The following PCDH9 variants were observed in gnomAD, a reference collection of about 807,000 sequenced individuals.
PCDH9 encodes protocadherin-9.
A neutral mutation model predicts 70.6 loss-of-function variants in PCDH9; 24 were observed. The observed-to-expected ratio is 0.34, with a 90% confidence interval of 0.25 to 0.48. The LOEUF is 0.48. Among genes scored for constraint, PCDH9 ranks in the 20% least tolerant of loss-of-function variants. The pLI, the probability that PCDH9 is intolerant of heterozygous loss-of-function variation, is 0.99. For missense variants in PCDH9, 1,281 were observed against 1,503.6 expected (o/e 0.85, Z 2.45); for synonymous variants, 562 against 558.5 (o/e 1.01, Z -0.09).
At chr13:66,887,193 T>C (rs924918634) in intron 3 of PCDH9, among the ~76,000 whole-genome samples, 4 of 151,990 alleles carry the variant, frequency 2.6e-5, no homozygotes, top group East Asian at 1.9e-4. Flanking sequence ...TCCTGGACCA[T>C]GCCTTCTATT....
chr13:66,662,963 TA>T (rs1379749497), intron 3 of PCDH9, among the ~76,000 whole-genome samples: 1 of 152,292 alleles, frequency 6.6e-6, no homozygotes, highest in East Asian at 1.9e-4. Flanking sequence ...CTTATAGATT[TA>T]AAAAGAAATA....
chr13:67,126,694 C>G (rs1423873124), intron 2 of PCDH9, among the ~76,000 whole-genome samples: 1 of 152,044 alleles, frequency 6.6e-6, no homozygotes, highest in Admixed American at 6.6e-5. Flanking sequence ...ACTAAAAATA[C>G]AAAAGATTAG....
chr13:67,044,220 C>G (rs1173996636), intron 2 of PCDH9, among the ~76,000 whole-genome samples: 6 of 151,996 alleles, frequency 3.9e-5, no homozygotes, highest in African/African-American at 1.4e-4. Context: ...CTTCTTTATC[C>G]TGAACCTTTG....
At chr13:66,655,324 G>C (rs2077914046) in intron 3 of PCDH9, among the ~76,000 whole-genome samples, 1 of 151,900 alleles carries the variant, frequency 6.6e-6, no homozygotes, top group South Asian at 2.1e-4. Flanking sequence ...GACTAGAAAG[G>C]AGAAAAGTGC....
chr13:66,392,778 T>C (rs1957041520), intron 4 of PCDH9, among the ~76,000 whole-genome samples: 1 of 152,130 alleles, frequency 6.6e-6, no homozygotes, highest in African/African-American at 2.4e-5. Context: ...TCTTTATATT[T>C]CTGAATTGCC....
chr13:67,203,401 A>T (rs983442318), intron 2 of PCDH9: 2 of 152,084 alleles, frequency 1.3e-5, no homozygotes, highest in Non-Finnish European at 2.9e-5. Flanking sequence ...TAAGTTGCTG[A>T]TATCTCTCTT....
chr13:66,877,647 C>T (rs2081841812), intron 3 of PCDH9, among the ~76,000 whole-genome samples: 1 of 152,122 alleles, frequency 6.6e-6, no homozygotes, highest in Admixed American at 6.6e-5. Context: ...TCCCTCTAGG[C>T]ATCTTATGGT....
intron 2 of PCDH9, among the ~76,000 whole-genome samples, chr13:67,113,358 A>G (rs2086693272): frequency 6.6e-6 from 1 of 152,206 alleles, no homozygotes; most frequent in South Asian, 2.1e-4. Context: ...AAAAATGTTT[A>G]ACACATTCAC....
chr13:67,025,024 C>A (rs1278103925), intron 2 of PCDH9, among the ~76,000 whole-genome samples: 1 of 151,944 alleles, frequency 6.6e-6, no homozygotes, highest in African/African-American at 2.4e-5. Context: ...AAAGTATTTT[C>A]TAAGAACCAA....
chr13:66,850,825 T>C (rs892145191), intron 3 of PCDH9, among the ~76,000 whole-genome samples: 2 of 152,228 alleles, frequency 1.3e-5, no homozygotes, highest in Non-Finnish European at 2.9e-5. Flanking sequence ...GTAGGAAATA[T>C]TTCTGTTTGA....
chr13:67,001,947 G>GTT (rs1175138370), intron 2 of PCDH9: 1 of 152,112 alleles, frequency 6.6e-6, no homozygotes, highest in African/African-American at 2.4e-5. Flanking sequence ...AAAAATGCGG[G>GTT]TTTCCACTGT....
At chr13:66,328,025 A>T (rs970131670) in intron 4 of PCDH9, among the ~76,000 whole-genome samples, 2 of 152,218 alleles carry the variant, frequency 1.3e-5, no homozygotes, top group African/African-American at 4.8e-5. Flanking sequence ...TGTTGAAAAC[A>T]TAAATAAAAT....
intron 3 of PCDH9, among the ~76,000 whole-genome samples, chr13:66,849,829 T>C (rs1415079168): frequency 6.6e-6 from 1 of 152,102 alleles, no homozygotes; most frequent in Non-Finnish European, 1.5e-5. Flanking sequence ...CAAGAAGAGC[T>C]ACCAGAAACA....
At chr13:66,910,774 A>G (rs899355381) in intron 2 of PCDH9, among the ~76,000 whole-genome samples, 1 of 152,192 alleles carries the variant, frequency 6.6e-6, no homozygotes. Context: ...CCGTAACCAA[A>G]AAATAGCTTT....
chr13:66,476,780 A>G (rs1476794094), intron 4 of PCDH9, among the ~76,000 whole-genome samples: 2 of 151,994 alleles, frequency 1.3e-5, no homozygotes, highest in Non-Finnish European at 2.9e-5. Flanking sequence ...TGTTATCAGG[A>G]GACTAATATC....
intron 4 of PCDH9, among the ~76,000 whole-genome samples, chr13:66,439,205 A>G (rs191018361): frequency 7.2e-5 from 11 of 152,240 alleles, no homozygotes; most frequent in African/African-American, 2.4e-4. Context: ...AAATGCCTCA[A>G]TTCACTTCTT....
intron 3 of PCDH9, among the ~76,000 whole-genome samples, chr13:66,736,831 C>T (rs1027885104): frequency 6.6e-6 from 1 of 152,240 alleles, no homozygotes; most frequent in Non-Finnish European, 1.5e-5. Context: ...TCCAATCTGT[C>T]ATGCAGAAAC....
At chr13:66,558,034 A>T (rs893535312) in intron 4 of PCDH9, among the ~76,000 whole-genome samples, 2 of 152,112 alleles carry the variant, frequency 1.3e-5, no homozygotes, top group Non-Finnish European at 2.9e-5. Flanking sequence ...GTGTGCTTGT[A>T]GTTCCAGCTA....
intron 4 of PCDH9, among the ~76,000 whole-genome samples, chr13:66,554,258 T>C (rs183200926): frequency 1.4e-4 from 22 of 152,282 alleles, no homozygotes; most frequent in Admixed American, 1.3e-3. Context: ...ACATACTTAT[T>C]TTCTAGTCAT....
Sources: allele counts gnomAD v4.1 joint callset (sites outside exome capture counted in the v4.1 genomes callset), GRCh38; gene constraint gnomAD v4.1.1; transcripts MANE v1.5; gene names NCBI Gene and HGNC (gene_info 2026-07-23, HGNC 2026-07-21).